The following CFAP97 variants were observed in gnomAD, a reference collection of about 807,000 sequenced individuals.
The protein encoded by CFAP97 is cilia and flagella associated protein 97.
In CFAP97, 36 loss-of-function variants were observed where a neutral mutation model predicts 43.1. That is an observed-to-expected ratio of 0.84 (90% confidence interval 0.64 to 1.10). CFAP97 has a LOEUF of 1.10. CFAP97 is among the 50% of genes least tolerant of loss of function. The pLI, the probability that CFAP97 is intolerant of heterozygous loss-of-function variation, is 0.00. For missense variants in CFAP97, 657 were observed against 620.3 expected, an observed-to-expected ratio of 1.06 and a Z score of -0.63; for synonymous variants, 228 against 225.7, an observed-to-expected ratio of 1.01 and a Z score of -0.09.
upstream of CFAP97, among the ~76,000 whole-genome samples, chr4:185,208,054 TAAC>T (rs1284139090): frequency 6.6e-6 from 1 of 152,188 alleles, no homozygotes; most frequent in Non-Finnish European, 1.5e-5. Flanking sequence ...GGGTGAAAAT[TAAC>T]AACTATTTTA....
intron 1 of CFAP97, among the ~76,000 whole-genome samples, chr4:185,192,901 C>T (rs1454879437): frequency 2.6e-5 from 4 of 151,852 alleles, no homozygotes; most frequent in Admixed American, 6.6e-5. Flanking sequence ...CCACCACGCC[C>T]GGCTAATTTT....
chr4:185,197,196 T>C (rs2111413232), intron 1 of CFAP97, among the ~76,000 whole-genome samples: 1 of 147,890 alleles, frequency 6.8e-6, no homozygotes, highest in South Asian at 2.1e-4. Context: ...AATCACAAAA[T>C]TATTTAGCTA....
At chr4:185,164,603 C>T (rs918698482) in intron 3 of CFAP97, among the ~76,000 whole-genome samples, 5 of 152,114 alleles carry the variant, frequency 3.3e-5, no homozygotes, top group Non-Finnish European at 7.4e-5. Flanking sequence ...AAGCCCCTTC[C>T]TCATCTCTCT....
upstream of CFAP97, among the ~76,000 whole-genome samples, chr4:185,205,618 C>CAGG (rs1226748724): frequency 1.5e-4 from 23 of 152,268 alleles, no homozygotes; most frequent in African/African-American, 5.3e-4. Context: ...CACCTGAGGT[C>CAGG]AGGAGTTCCA....
intron 3 of CFAP97, among the ~76,000 whole-genome samples, chr4:185,172,233 A>T: frequency 6.6e-6 from 1 of 152,238 alleles, no homozygotes; most frequent in Non-Finnish European, 1.5e-5. Context: ...TAGGCTAATA[A>T]GCTAGAATAA....
intron 3 of CFAP97, among the ~76,000 whole-genome samples, chr4:185,174,050 G>A (rs189423192): frequency 2.6e-5 from 4 of 152,266 alleles, no homozygotes; most frequent in Admixed American, 2.6e-4. Context: ...TCTGACACCT[G>A]CTAGCCGTGT....
intron 3 of CFAP97, 106 bp from the exon 4 acceptor site, chr4:185,164,285 A>T (rs1579225414): frequency 1.0e-6 from 1 of 965,238 alleles, no homozygotes; most frequent in Non-Finnish European, 1.5e-6. Flanking sequence ...TTTTTTTTTT[A>T]AGAGACAAGA....
intron 3 of CFAP97, among the ~76,000 whole-genome samples, chr4:185,173,026 C>A (rs1272050955): frequency 6.6e-6 from 1 of 151,902 alleles, no homozygotes; most frequent in Non-Finnish European, 1.5e-5. Flanking sequence ...ATATTACAGG[C>A]ATGAGTCACC....
At chr4:185,183,724 T>C (rs188416679) in intron 2 of CFAP97, among the ~76,000 whole-genome samples, 60 of 152,368 alleles carry the variant, frequency 3.9e-4, no homozygotes, top group Admixed American at 3.5e-3. Context: ...TGAAGAATCC[T>C]TGGTGGATTG....
intron 3 of CFAP97, chr4:185,170,063 A>T (rs1159665507): frequency 2.5e-6 from 3 of 1,197,094 alleles, no homozygotes; most frequent in Non-Finnish European, 3.1e-6. Flanking sequence ...AGTTACTCCT[A>T]CAGGCCAGGC....
At chr4:185,193,088 C>T (rs1736375219) in intron 1 of CFAP97, among the ~76,000 whole-genome samples, 1 of 152,054 alleles carries the variant, frequency 6.6e-6, no homozygotes, top group Non-Finnish European at 1.5e-5. Context: ...CCCAGGACTC[C>T]TTCGCAGGCA....
Position 185,175,860 on chromosome 4 carries a change from C to G in CFAP97, c.1246G>C (p.Asp416His), listed in dbSNP as rs1216973561. The change falls in exon 3 of 5, where the codon GAT becomes CAT. Residue 416 changes from aspartate (D) to histidine (H), a missense_variant. Asp to His is a moderately conservative substitution (Grantham distance 81). Transcript: ENST00000458385. Reference sequence around the variant, plus strand: ...CTGTGATATAACTTTGGGGGATGATCAGCCGATCTAGGAATTGTACTTTTG... The same window carrying G: ...CTGTGATATAACTTTGGGGGATGATGAGCCGATCTAGGAATTGTACTTTTG... Reference protein sequence around the residue: ...GSKSTIPRSADHPPKLYHSAL... With the variant: ...GSKSTIPRSAHHPPKLYHSAL... 3.1e-6 allele frequency: 5 copies of G among 1,613,794 alleles called. No homozygotes were observed. The African/African-American group carries it at 6.7e-5, about 22-fold the overall frequency.
upstream of CFAP97, among the ~76,000 whole-genome samples, chr4:185,208,682 C>T (rs531168705): frequency 1.3e-5 from 2 of 151,830 alleles, no homozygotes; most frequent in South Asian, 4.2e-4. Context: ...GAGCCGAGAT[C>T]GCCCCACTGC....
At chr4:185,196,325 T>C (rs991498091) in intron 1 of CFAP97, among the ~76,000 whole-genome samples, 5 of 151,944 alleles carry the variant, frequency 3.3e-5, no homozygotes, top group African/African-American at 1.2e-4. Context: ...ATATAAAAAA[T>C]TAGCTGGGTG....
intron 1 of CFAP97, among the ~76,000 whole-genome samples, chr4:185,195,991 TTG>T (rs1177054547): frequency 6.6e-6 from 1 of 152,198 alleles, no homozygotes; most frequent in African/African-American, 2.4e-5. Context: ...TCTTACTTTG[TTG>T]TGTGGTTAAG....
rs1268576910 is a variant in CFAP97, at chr4:185,209,175, G to A, written c.-74+150C>T. ...CCCTAAGGCGGCAGGGTGGGAAAGG[G>A]AAGGTCGTTAGAAACTGTGACAGGG... On this transcript the variant is annotated intron_variant, in intron 1 of 2. Transcript: ENST00000503223. This position sits in a 1 kb window ranked among gnomAD's most constrained non-coding sequence, Gnocchi z 5.2. The A allele has an allele frequency of 6.6e-6, 1 of 152,236 alleles. No individual in the cohort carries two copies. Among genetic ancestry groups the A allele is most frequent in the Admixed American group, 6.5e-5 (1 of 15,288 alleles). 9.4% of individuals were successfully genotyped at this position (152,236 alleles called of 1,614,324 possible).
chr4:185,163,728 A>G (rs1276863831), intron 4 of CFAP97, among the ~76,000 whole-genome samples: 1 of 152,196 alleles, frequency 6.6e-6, no homozygotes, highest in Non-Finnish European at 1.5e-5. Flanking sequence ...GCTTTTAAAC[A>G]GCACACCTAT....
At chr4:185,191,533 A>C (rs1350123634) in intron 1 of CFAP97, among the ~76,000 whole-genome samples, 2 of 152,190 alleles carry the variant, frequency 1.3e-5, no homozygotes, top group Non-Finnish European at 2.9e-5. Context: ...AATTAAGTAC[A>C]ACAAAACAAA....
intron 1 of CFAP97, among the ~76,000 whole-genome samples, chr4:185,202,800 C>T (rs1353497128): frequency 6.6e-6 from 1 of 152,172 alleles, no homozygotes; most frequent in Admixed American, 6.5e-5. Flanking sequence ...TAATATCCAA[C>T]AGAGTTACTG....
Sources: allele counts gnomAD v4.1 joint callset (sites outside exome capture counted in the v4.1 genomes callset), GRCh38; gene constraint gnomAD v4.1.1; non-coding constraint Gnocchi (gnomAD v3.1); transcripts MANE v1.5; gene names NCBI Gene and HGNC (gene_info 2026-07-23, HGNC 2026-07-21).